Variants in TERB1 observed in about 807,000 individuals in gnomAD.
TERB1 encodes the protein telomere repeat binding bouquet formation protein 1, also known as telomere repeats-binding bouquet formation protein 1.
TERB1 carries 63 observed loss-of-function variants against 92.3 expected under a neutral mutation model. The observed-to-expected ratio is 0.68, with a 90% CI of 0.56 to 0.84. The LOEUF (loss-of-function observed/expected upper bound fraction) is 0.84. Ranked by LOEUF, TERB1 falls within the 40% of genes least tolerant of loss-of-function variation. The pLI is 0.00. For missense variants in TERB1, 709 were observed against 843.7 expected, an observed-to-expected ratio of 0.84 and a Z score of 1.98; for synonymous variants, 252 against 283.9, an observed-to-expected ratio of 0.89 and a Z score of 1.13.
intron 12 of TERB1, among the ~76,000 whole-genome samples, chr16:66,773,220 G>A (rs1205190534): frequency 6.6e-6 from 1 of 150,802 alleles, no homozygotes; most frequent in African/African-American, 2.4e-5. Context: ...TGTATTCCCA[G>A]ATAATCTGGA....
chr16:66,760,977 T>C (rs1421416473), intron 16 of TERB1, among the ~76,000 whole-genome samples: 1 of 136,654 alleles, frequency 7.3e-6, no homozygotes, highest in African/African-American at 2.8e-5. Context: ...CCAGGCATGG[T>C]GGTGGGTGCC....
rs1048122720 is a variant in TERB1 at position 66,777,331 on chromosome 16, G to A, written c.857C>T (p.Thr286Ile). The change falls in exon 11 of 19, where the codon ACT (threonine) becomes ATT (isoleucine). Residue 286 changes from threonine (T) to isoleucine (I), a missense_variant. Transcript: ENST00000433154. ...GTACTTGGAGAGTACTATCCCAAAA[G>A]TAGCTATTAGTATAAAATAGGAAAA... ...TVDACIADNP[T>I]FGIVLSKYHI... 7.8e-6 allele frequency: 12 copies of A among 1,529,196 alleles called. No individual in the cohort carries two copies. In the African/African-American group the frequency reaches 8.3e-5, roughly 11 times the overall value. The allele number at this position is 1,529,196 out of a possible 1,614,324, so 94.7% of individuals were successfully genotyped here. A position where few individuals can be genotyped will look rare whatever the true frequency, so the allele number is the denominator to read the frequency against.
rs1223401546 is a variant in TERB1 at position 66,801,467 on chromosome 16, C to G, written c.-110+1G>C. 1 of 152,274 alleles carries G rather than the reference C, an allele frequency of 6.6e-6. No individual in the cohort carries two copies. The highest frequency in any genetic ancestry group is 1.5e-5 in the Non-Finnish European group (1 of 68,088). The allele number at this position is 152,274 out of a possible 1,614,324, so 9.4% of individuals were successfully genotyped here. A position where few individuals can be genotyped will look rare whatever the true frequency, so the allele number is the denominator to read the frequency against. On this transcript the variant is annotated splice_donor_variant, in intron 1 of 18. Coordinates refer to ENST00000433154, the MANE Select transcript of TERB1 (RefSeq NM_001136505.2). LOFTEE classifies it low-confidence loss of function (5UTR_SPLICE). Reference sequence around the variant, plus strand: ...CCCGCCTTACACAGGCGCCAACATACAGAGTTTCCAAGCGCGGTAAGGCAG... The same window carrying G: ...CCCGCCTTACACAGGCGCCAACATAGAGAGTTTCCAAGCGCGGTAAGGCAG...
chr16:66,766,258 T>C (rs1258004933), intron 16 of TERB1, among the ~76,000 whole-genome samples: 1 of 151,856 alleles, frequency 6.6e-6, no homozygotes, highest in Non-Finnish European at 1.5e-5. Context: ...AAGAGAAAGA[T>C]TTTGCAATTA....
Position 66,785,806 on chromosome 16 carries a change from C to T in TERB1, c.680G>A (p.Gly227Glu). ...CTTACTGTTATTTGCAAGAGTGAGTCCAATAAATGAGCAAATAGGGCGAAT... is the reference window on the plus strand; with the variant it reads ...CTTACTGTTATTTGCAAGAGTGAGTTCAATAAATGAGCAAATAGGGCGAAT... ...EIIRPICSFI[G>E]LTLANNTYVQ... The change falls in exon 9 of 19, where the codon GGA becomes GAA. Residue 227 changes from glycine to glutamate, a missense_variant. By Grantham distance (98) the Gly-to-Glu change is moderately conservative. Transcript: ENST00000433154. 2 of 1,545,304 alleles carry T rather than the reference C, an allele frequency of 1.3e-6. No individual in the cohort carries two copies. The highest frequency in any genetic ancestry group is 1.7e-6 in the Non-Finnish European group (2 of 1,144,118).
At chr16:66,777,925 C>T (rs1299129178) in intron 10 of TERB1, among the ~76,000 whole-genome samples, 13 of 152,136 alleles carry the variant, frequency 8.5e-5, no homozygotes, top group Non-Finnish European at 1.9e-4. Context: ...ATACTAATAT[C>T]AACAAAAAAG....
intron 16 of TERB1, among the ~76,000 whole-genome samples, chr16:66,766,134 G>A (rs1375807141): frequency 6.6e-6 from 1 of 151,106 alleles, no homozygotes; most frequent in Non-Finnish European, 1.5e-5. Context: ...GCCTCCCAAA[G>A]TGCTGGGATT....
chr16:66,796,649 C>G, intron 3 of TERB1, 119 bp downstream of exon 3: 3 of 737,672 alleles, frequency 4.1e-6, no homozygotes, highest in Non-Finnish European at 6.9e-6. Context: ...CAGAGTAGTG[C>G]TCAATAGTTA....
chr16:66,801,232 G>A (rs1180752471), intron 1 of TERB1, among the ~76,000 whole-genome samples, 179 bp from the exon 2 acceptor site: 2 of 152,214 alleles, frequency 1.3e-5, no homozygotes, highest in African/African-American at 2.4e-5. Flanking sequence ...GAGGCGCCTG[G>A]GGAGTCAGAA....
chr16:66,773,462 G>A (rs1268698627), intron 12 of TERB1, among the ~76,000 whole-genome samples: 1 of 151,920 alleles, frequency 6.6e-6, no homozygotes, highest in African/African-American at 2.4e-5. Context: ...CATGGACACT[G>A]CCCTCTGAGC....
intron 9 of TERB1, among the ~76,000 whole-genome samples, chr16:66,783,539 T>C (rs1442573260): frequency 6.6e-6 from 1 of 152,230 alleles, no homozygotes; most frequent in Non-Finnish European, 1.5e-5. Flanking sequence ...CGTAATGTTG[T>C]TTCTGGGTTC....
chr16:66,795,539 A>C (rs1597028648), intron 3 of TERB1, among the ~76,000 whole-genome samples: 3 of 152,158 alleles, frequency 2.0e-5, no homozygotes, highest in Non-Finnish European at 2.9e-5. Flanking sequence ...TACTTCTGGG[A>C]GCAATCTAAA....
chr16:66,795,523 A>T (rs949976615), intron 3 of TERB1, among the ~76,000 whole-genome samples: 1 of 152,110 alleles, frequency 6.6e-6, no homozygotes, highest in African/African-American at 2.4e-5. Flanking sequence ...TCCTTATCTC[A>T]CAGTCTACTT....
At position 66,786,300 on chromosome 16, in the gene TERB1, C is replaced by T. The variant is rs2018728536; in HGVS notation, c.401-15G>A. 2 of 1,525,912 alleles carry T rather than the reference C, an allele frequency of 1.3e-6. No homozygotes were observed. Among genetic ancestry groups the T allele is most frequent in the Non-Finnish European group, 1.8e-6 (2 of 1,130,238 alleles). The allele number at this position is 1,525,912 out of a possible 1,614,324, so 94.5% of individuals were successfully genotyped here. A position where few individuals can be genotyped will look rare whatever the true frequency, so the allele number is the denominator to read the frequency against. On this transcript the variant is annotated splice_polypyrimidine_tract_variant and intron_variant, in intron 6 of 18. Coordinates refer to ENST00000433154, the MANE Select transcript of TERB1 (RefSeq NM_001136505.2). ...TTGTCCGGTCCCTTAAAAAAATAGCCATATAAAAATATGAGTTTTATTTAC... is the reference window on the plus strand; with the variant it reads ...TTGTCCGGTCCCTTAAAAAAATAGCTATATAAAAATATGAGTTTTATTTAC...
chr16:66,785,173 CCATGCCCAGCTAATTGTTGCCAA>C (rs1045288722), intron 9 of TERB1, among the ~76,000 whole-genome samples: 1 of 151,852 alleles, frequency 6.6e-6, no homozygotes, highest in African/African-American at 2.4e-5. Context: ...GTGTCTGCCA[CCATGCCCAGCTAATTGTTGCCAA>C]CATGCCCAGC....
intron 16 of TERB1, among the ~76,000 whole-genome samples, chr16:66,764,590 G>A (rs182111945): frequency 1.3e-5 from 2 of 152,336 alleles, no homozygotes; most frequent in Non-Finnish European, 2.9e-5. Context: ...ATACTTGGGA[G>A]TTGGAGAGGC....
intron 10 of TERB1, among the ~76,000 whole-genome samples, chr16:66,778,297 A>G (rs1218082634): frequency 1.3e-5 from 2 of 151,678 alleles, no homozygotes; most frequent in Non-Finnish European, 2.9e-5. Context: ...TGGAGTCTCG[A>G]TATGTTGACC....
intron 13 of TERB1, 87 bp downstream of exon 13, chr16:66,772,502 T>G (rs2018468338): frequency 1.6e-6 from 2 of 1,236,412 alleles, no homozygotes; most frequent in Non-Finnish European, 2.2e-6. Context: ...AACAAAAAAT[T>G]TATATGTCAG....
chr16:66,786,238 A>C lies in TERB1; in HGVS notation c.448T>G (p.Ser150Ala), dbSNP rs763633395. 4.4e-5 allele frequency: 68 copies of C among 1,549,658 alleles called. No homozygotes were observed. Among genetic ancestry groups the C allele is most frequent in the South Asian group, 8.4e-5 (7 of 83,542 alleles). The change falls in exon 7 of 19, where the codon TCA (serine) becomes GCA (alanine). Residue 150 changes from serine (S) to alanine (A), a missense_variant. Ser to Ala is a moderately conservative substitution (Grantham distance 99, BLOSUM62 1). Coordinates refer to ENST00000433154, the MANE Select transcript of TERB1 (RefSeq NM_001136505.2). The stretch of plus-strand genomic sequence containing the variant: ...GTATTTGTTTACCTGAATAACCGTG[A>C]CAGAACTGTAATACAACCTGTTTCT... ...VRETGCITVLSRLFRTVISKH... is the reference protein window; with the variant it reads ...VRETGCITVLARLFRTVISKH...
Sources: gnomAD v4.1 joint callset for allele counts (sites outside exome capture counted in the v4.1 genomes callset) on GRCh38, gnomAD v4.1.1 for gene constraint, MANE v1.5 for transcripts, NCBI Gene and HGNC (gene_info 2026-07-23, HGNC 2026-07-21) for gene names.